Variants in ERMP1 observed in about 807,000 individuals in gnomAD.
ERMP1 encodes the protein endoplasmic reticulum metallopeptidase 1.
A neutral mutation model predicts 92.0 loss-of-function variants in ERMP1; 86 were observed. The observed-to-expected ratio is 0.93, with a 90% CI of 0.79 to 1.12. The LOEUF is 1.12. Among genes scored for constraint, ERMP1 ranks in the 50% most tolerant of loss-of-function variants. The pLI is 0.00. For missense variants in ERMP1, 1,342 were observed against 1,116.3 expected, an observed-to-expected ratio of 1.20 and a Z score of -2.88; for synonymous variants, 530 against 412.8, an observed-to-expected ratio of 1.28 and a Z score of -3.44.
chr9:5,836,375 T>C (rs775221682), upstream of ERMP1, among the ~76,000 whole-genome samples: 10 of 152,272 alleles, frequency 6.6e-5, no homozygotes, highest in Non-Finnish European at 1.0e-4. Flanking sequence ...TACAGTGACA[T>C]TCAAATCAGG....
Position 5,830,728 on chromosome 9 carries a change from T to A in ERMP1, c.639A>T (p.Pro213=). 2 of 1,609,810 alleles carry A rather than the reference T, an allele frequency of 1.2e-6. No individual in the cohort carries two copies. Among genetic ancestry groups the A allele is most frequent in the African/African-American group, 1.3e-5 (1 of 74,766 alleles). ...NCHFDSVANS[P]GASDDAVSCS... is the part of the protein sequence containing the mutation. The stretch of plus-strand genomic sequence containing the variant: ...AATGACTAAAAAACAGGTACATACC[T>A]GGTGAGTTTGCTACTGAGTCAAAAT... The change falls in exon 2 of 15, where the codon CCA becomes CCT. Residue 213 remains proline (P), a splice_region_variant and synonymous_variant. Coordinates refer to ENST00000339450, the MANE Select transcript of ERMP1 (RefSeq NM_024896.3).
At chr9:5,861,917 T>A (rs1460344375) in intron 5 of ERMP1, among the ~76,000 whole-genome samples, 1 of 151,872 alleles carries the variant, frequency 6.6e-6, no homozygotes, top group East Asian at 1.9e-4. Flanking sequence ...CCAAAAGTGG[T>A]CAGATAATCA....
At chr9:5,805,275 T>G (rs1828827369) in intron 9 of ERMP1, 58 bp from the exon 10 acceptor site, 1 of 1,354,036 alleles carries the variant, frequency 7.4e-7, no homozygotes, top group Admixed American at 2.3e-5. Context: ...AGATATAAAT[T>G]TTTATAGTAC....
chr9:5,850,405 C>CAAAAAAAAAAAA (rs59464514), intron 6 of ERMP1, among the ~76,000 whole-genome samples: 2 of 40,592 alleles, frequency 4.9e-5, no homozygotes, highest in Non-Finnish European at 8.0e-5. Flanking sequence ...AACTCCGTCT[C>CAAAAAAAAAAAA]AAAAAAAAAA....
At chr9:5,799,788 A>T (rs1828599306) in intron 11 of ERMP1, among the ~76,000 whole-genome samples, 1 of 152,252 alleles carries the variant, frequency 6.6e-6, no homozygotes, top group Admixed American at 6.5e-5. Context: ...AACAAATCAG[A>T]AAATGACTTT....
intron 2 of ERMP1, among the ~76,000 whole-genome samples, chr9:5,829,795 A>G (rs1019856039): frequency 1.3e-5 from 2 of 152,256 alleles, no homozygotes; most frequent in African/African-American, 4.8e-5. Flanking sequence ...GGGTTCAGCC[A>G]GATGCCATCT....
At chr9:5,854,657 C>T (rs187212716) in intron 6 of ERMP1, among the ~76,000 whole-genome samples, 3 of 152,204 alleles carry the variant, frequency 2.0e-5, no homozygotes, top group Admixed American at 2.0e-4. Flanking sequence ...CAGCCTGTAG[C>T]TGGGACTACA....
chr9:5,803,530 T>C (rs565683649), intron 10 of ERMP1, among the ~76,000 whole-genome samples: 7 of 152,314 alleles, frequency 4.6e-5, no homozygotes, highest in Admixed American at 4.6e-4. Context: ...GTCCCCTATC[T>C]GAGTCATCTT....
intron 1 of ERMP1, among the ~76,000 whole-genome samples, chr9:5,831,572 C>G (rs10815287): frequency 0.015 from 2,270 of 152,276 alleles, 33 homozygotes; most frequent in East Asian, 0.066. Context: ...AGCCACTGCA[C>G]TCCAGCCTGG....
intron 6 of ERMP1, among the ~76,000 whole-genome samples, chr9:5,846,233 A>G (rs562239723): frequency 6.6e-6 from 1 of 152,330 alleles, no homozygotes; most frequent in Non-Finnish European, 1.5e-5. Flanking sequence ...GCCTGCATCC[A>G]TGTCACTATT....
intron 4 of ERMP1, 63 bp from the exon 5 acceptor site, chr9:5,813,098 T>C: frequency 6.4e-7 from 1 of 1,559,904 alleles, no homozygotes. Flanking sequence ...CATACTAATG[T>C]TTTTCAACAC....
chr9:5,847,331 T>G (rs1306584986), intron 6 of ERMP1, among the ~76,000 whole-genome samples: 1 of 152,140 alleles, frequency 6.6e-6, no homozygotes, highest in Non-Finnish European at 1.5e-5. Context: ...CTCTGCCTCC[T>G]GGGCTCAAAC....
chr9:5,793,003 TAAC>T (rs1319448346), intron 13 of ERMP1, among the ~76,000 whole-genome samples: 1 of 152,158 alleles, frequency 6.6e-6, no homozygotes, highest in Non-Finnish European at 1.5e-5. Flanking sequence ...ATCTAACAGA[TAAC>T]AGTTTTTCAA....
At chr9:5,803,520 G>T (rs905029495) in intron 10 of ERMP1, among the ~76,000 whole-genome samples, 2 of 151,990 alleles carry the variant, frequency 1.3e-5, no homozygotes, top group East Asian at 3.9e-4. Context: ...GAATTTAAAT[G>T]TCCCCTATCT....
At chr9:5,791,183 G>C (rs938712641) in intron 13 of ERMP1, 5 of 456,356 alleles carry the variant, frequency 1.1e-5, no homozygotes, top group African/African-American at 1.0e-4. Context: ...GAGAGAAAGA[G>C]AGAGAGAGAC....
chr9:5,789,280 G>A (rs887726762), intron 13 of ERMP1, among the ~76,000 whole-genome samples: 3 of 151,930 alleles, frequency 2.0e-5, no homozygotes, highest in Non-Finnish European at 4.4e-5. Flanking sequence ...TAAAAAGTTT[G>A]ATCAAATAAC....
At chr9:5,802,937 G>T (rs549616865) in intron 10 of ERMP1, among the ~76,000 whole-genome samples, 15 of 152,218 alleles carry the variant, frequency 9.9e-5, no homozygotes, top group Admixed American at 9.8e-4. Context: ...GAAGGCCGAG[G>T]CACGAGAATT....
At chr9:5,854,219 A>G (rs1424393326) in intron 6 of ERMP1, among the ~76,000 whole-genome samples, 1 of 152,096 alleles carries the variant, frequency 6.6e-6, no homozygotes. Context: ...AGGTGCTAGA[A>G]AGAGAACAGC....
At position 5,805,776 on chromosome 9, in the gene ERMP1, C is replaced by A; in HGVS notation, c.1558G>T (p.Ala520Ser). Residue 520 changes from alanine to serine, a missense_variant, in exon 9 of 15, where the codon GCC becomes TCC. Physicochemically the swap from Ala to Ser is moderately conservative, Grantham distance 99. Transcript: ENST00000339450. ...AAAAATACTTCTCCCAGATACTGGGCACTGGCATTCTGAAAGAAAGAAAAA... is the reference window on the plus strand; with the variant it reads ...AAAAATACTTCTCCCAGATACTGGGAACTGGCATTCTGAAAGAAAGAAAAA... ...AKRFYYMNAS[A>S]QYLGEVFFDI... The A allele has an allele frequency of 6.3e-7, 1 of 1,597,094 alleles. No individual in the cohort carries two copies. Among genetic ancestry groups the A allele is most frequent in the Non-Finnish European group, 8.5e-7 (1 of 1,174,408 alleles).
Sources: allele counts gnomAD v4.1 joint callset (sites outside exome capture counted in the v4.1 genomes callset), GRCh38; gene constraint gnomAD v4.1.1; transcripts MANE v1.5; gene names NCBI Gene and HGNC (gene_info 2026-07-23, HGNC 2026-07-21).